EGFLAM: variants seen among roughly 807,000 people sequenced by gnomAD.
EGFLAM encodes pikachurin.
In EGFLAM, 79 loss-of-function variants were observed where a neutral mutation model predicts 113.1. The observed-to-expected ratio is 0.70, with a 90% CI of 0.58 to 0.84. The LOEUF (loss-of-function observed/expected upper bound fraction) is 0.84, where lower values mean the gene tolerates loss of function less well. Ranked by LOEUF, EGFLAM falls within the 40% of genes least tolerant of loss-of-function variation. The pLI is 0.00. For synonymous variants in EGFLAM, 504 were observed against 487.6 expected (o/e 1.03, Z -0.44); for missense variants, 1,265 against 1,291.6 (o/e 0.98, Z 0.32).
chr5:38,323,222 A>G (rs1056640246), intron 1 of EGFLAM, among the ~76,000 whole-genome samples: 2 of 152,218 alleles, frequency 1.3e-5, no homozygotes, highest in African/African-American at 4.8e-5. Context: ...AAGTGTTTTT[A>G]TGAATTGGAT....
intron 11 of EGFLAM, among the ~76,000 whole-genome samples, chr5:38,417,139 G>T (rs1472078780): frequency 6.6e-6 from 1 of 152,050 alleles, no homozygotes; most frequent in Non-Finnish European, 1.5e-5. Context: ...AGATCACGAG[G>T]TCAGGAGTTT....
chr5:38,425,342 T>C (rs2112185640), intron 13 of EGFLAM, among the ~76,000 whole-genome samples: 2 of 152,186 alleles, frequency 1.3e-5, no homozygotes, highest in South Asian at 4.2e-4. Context: ...AATTTTTGTA[T>C]TTTTAGTAGA....
At chr5:38,429,269 C>G (rs1427592881) in intron 14 of EGFLAM, among the ~76,000 whole-genome samples, 5 of 152,178 alleles carry the variant, frequency 3.3e-5, no homozygotes, top group Admixed American at 6.5e-5. Flanking sequence ...TGAAATGGCT[C>G]TGTTATGGAG....
chr5:38,407,929 GA>G (rs780977937), intron 9 of EGFLAM, 24 bp downstream of exon 9: 26 of 1,562,266 alleles, frequency 1.7e-5, no homozygotes, highest in Non-Finnish European at 2.3e-5. Flanking sequence ...GTTGTTTGAT[GA>G]GTGCTTTTTG....
At chr5:38,270,499 A>C (rs74565148) in intron 1 of EGFLAM, among the ~76,000 whole-genome samples, 16 of 151,902 alleles carry the variant, frequency 1.1e-4, no homozygotes, top group East Asian at 1.9e-4. Context: ...GGAAAAAAAA[A>C]AACAACAAGC....
At chr5:38,380,973 G>C (rs1740496994) in intron 6 of EGFLAM, among the ~76,000 whole-genome samples, 1 of 152,128 alleles carries the variant, frequency 6.6e-6, no homozygotes, top group African/African-American at 2.4e-5. Context: ...ATTTCAACTG[G>C]AGCATCTGCT....
chr5:38,289,260 A>C (rs1341959732), intron 1 of EGFLAM, among the ~76,000 whole-genome samples: 3 of 146,870 alleles, frequency 2.0e-5, no homozygotes, highest in African/African-American at 2.6e-5. Flanking sequence ...CTTGGCAATT[A>C]CTCTTTCTTT....
At chr5:38,406,759 C>T (rs1486197236) in intron 7 of EGFLAM, 69 bp from the exon 8 acceptor site, 10 of 1,462,140 alleles carry the variant, frequency 6.8e-6, no homozygotes, top group Non-Finnish European at 9.4e-6. Context: ...TAGGCAACAA[C>T]TATAAATAAA....
intron 16 of EGFLAM, among the ~76,000 whole-genome samples, chr5:38,436,148 C>T (rs893019762): frequency 3.9e-5 from 6 of 152,088 alleles, no homozygotes; most frequent in Non-Finnish European, 8.8e-5. Flanking sequence ...TGGGGCTGCC[C>T]ATGATCTCTG....
intron 10 of EGFLAM, among the ~76,000 whole-genome samples, chr5:38,410,791 G>T (rs1283758935): frequency 6.6e-6 from 1 of 152,198 alleles, no homozygotes; most frequent in Non-Finnish European, 1.5e-5. Context: ...TTGAGGTACA[G>T]CTAAGCACAG....
chr5:38,403,984 C>A (rs1008319318), intron 6 of EGFLAM: 4 of 1,606,896 alleles, frequency 2.5e-6, no homozygotes, highest in Non-Finnish European at 3.4e-6. Flanking sequence ...GATGAGAACA[C>A]CGCCTCCCCT....
intron 1 of EGFLAM, among the ~76,000 whole-genome samples, chr5:38,284,369 A>G (rs562175944): frequency 3.3e-5 from 5 of 152,272 alleles, no homozygotes; most frequent in Middle Eastern, 3.4e-3. Flanking sequence ...TTTTATTTCT[A>G]TTTACGGGGT....
intron 1 of EGFLAM, among the ~76,000 whole-genome samples, chr5:38,261,448 G>A (rs918779308): frequency 6.6e-6 from 1 of 152,170 alleles, no homozygotes; most frequent in Admixed American, 6.5e-5. Flanking sequence ...TATTATCACT[G>A]TTTTACTGAA....
chr5:38,452,031 C>T (rs1226922739), intron 19 of EGFLAM, among the ~76,000 whole-genome samples: 2 of 137,656 alleles, frequency 1.5e-5, no homozygotes, highest in Non-Finnish European at 3.1e-5. Flanking sequence ...AGTATTCCAA[C>T]AGGACTTTTT....
At chr5:38,373,464 T>C (rs1293847131) in intron 6 of EGFLAM, among the ~76,000 whole-genome samples, 5 of 152,152 alleles carry the variant, frequency 3.3e-5, no homozygotes, top group Admixed American at 3.3e-4. Context: ...CATCTTTATG[T>C]CCCCATGTAC....
At chr5:38,438,858 CTG>C (rs1233097087) in intron 17 of EGFLAM, among the ~76,000 whole-genome samples, 1 of 152,166 alleles carries the variant, frequency 6.6e-6, no homozygotes, top group Non-Finnish European at 1.5e-5. Flanking sequence ...TAACCCCTGT[CTG>C]TGCATGCTGT....
chr5:38,299,731 C>A (rs563888738), intron 1 of EGFLAM, among the ~76,000 whole-genome samples: 1 of 152,206 alleles, frequency 6.6e-6, no homozygotes, highest in Non-Finnish European at 1.5e-5. Context: ...ACGTCTCCCC[C>A]ACTCTCTCTT....
intron 17 of EGFLAM, 59 bp from the exon 18 acceptor site, chr5:38,448,242 G>A (rs1217160556): frequency 1.3e-6 from 2 of 1,558,712 alleles, no homozygotes; most frequent in African/African-American, 2.7e-5. Context: ...CCATGTGTGT[G>A]AGTGCAGGGG....
chr5:38,417,823 C>G (rs1741700485), intron 11 of EGFLAM, among the ~76,000 whole-genome samples: 2 of 151,834 alleles, frequency 1.3e-5, no homozygotes, highest in Non-Finnish European at 2.9e-5. Context: ...CCTTCCCTTC[C>G]CTTCTAGACA....
Sources: gnomAD v4.1 joint callset for allele counts (sites outside exome capture counted in the v4.1 genomes callset) on GRCh38, gnomAD v4.1.1 for gene constraint, MANE v1.5 for transcripts, NCBI Gene and HGNC (gene_info 2026-07-23, HGNC 2026-07-21) for gene names.